The following CTNND2 variants were observed in gnomAD, a reference collection of about 807,000 sequenced individuals.
The protein encoded by CTNND2 is catenin delta 2.
A neutral mutation model predicts 144.4 loss-of-function variants in CTNND2; 22 were observed. That is an observed-to-expected ratio of 0.15 (90% confidence interval 0.11 to 0.22). The LOEUF (loss-of-function observed/expected upper bound fraction) is 0.22. Among genes scored for constraint, CTNND2 ranks in the 10% least tolerant of loss-of-function variants. The probability of loss-of-function intolerance (pLI) is 1.00; values close to 1 mark genes in which losing one functional copy is unlikely to be tolerated. For synonymous variants in CTNND2, 751 were observed against 695.6 expected (o/e 1.08, Z -1.25); for missense variants, 1,353 against 1,618.8 (o/e 0.84, Z 2.82).
chr5:11,147,791 CA>C (rs1757388391), intron 12 of CTNND2, among the ~76,000 whole-genome samples: 1 of 151,972 alleles, frequency 6.6e-6, no homozygotes, highest in Admixed American at 6.6e-5. Flanking sequence ...CTGTGAAAAG[CA>C]GTTGGCGGTT....
chr5:11,543,848 G>T (rs1472861946), intron 3 of CTNND2, among the ~76,000 whole-genome samples: 2 of 152,168 alleles, frequency 1.3e-5, no homozygotes, highest in Admixed American at 1.3e-4. Flanking sequence ...TCCTAAGTCA[G>T]CAGGATGCCC....
chr5:11,481,736 G>T (rs921014522), intron 3 of CTNND2, among the ~76,000 whole-genome samples: 2 of 152,108 alleles, frequency 1.3e-5, no homozygotes, highest in Non-Finnish European at 2.9e-5. Context: ...ACAAAGGAAG[G>T]TTGAGTATTA....
intron 3 of CTNND2, among the ~76,000 whole-genome samples, chr5:11,555,125 C>T (rs1048347346): frequency 3.3e-5 from 5 of 152,018 alleles, no homozygotes; most frequent in East Asian, 3.9e-4. Context: ...TTATTCATTC[C>T]GCACTGATTA....
At chr5:11,802,744 T>G (rs866270638) in intron 1 of CTNND2, among the ~76,000 whole-genome samples, 1 of 152,216 alleles carries the variant, frequency 6.6e-6, no homozygotes. Context: ...CAATTTCCCA[T>G]GATTATCTAT....
intron 3 of CTNND2, among the ~76,000 whole-genome samples, chr5:11,546,794 C>A (rs1251490780): frequency 2.0e-5 from 3 of 152,006 alleles, no homozygotes; most frequent in African/African-American, 2.4e-5. Flanking sequence ...GTAATTCTCC[C>A]CCAATTTCTC....
At chr5:11,724,290 T>C (rs374253134) in intron 2 of CTNND2, among the ~76,000 whole-genome samples, 24 of 152,258 alleles carry the variant, frequency 1.6e-4, no homozygotes, top group African/African-American at 5.8e-4. Context: ...AGCCGTGTTC[T>C]TGGGGGGCAT....
chr5:11,796,431 G>A (rs1791405761), intron 1 of CTNND2, among the ~76,000 whole-genome samples: 1 of 152,184 alleles, frequency 6.6e-6, no homozygotes, highest in African/African-American at 2.4e-5. Context: ...TCTTCCCATA[G>A]AGCCTTATCT....
intron 1 of CTNND2, among the ~76,000 whole-genome samples, chr5:11,818,927 G>A (rs1435850196): frequency 6.6e-6 from 1 of 152,098 alleles, no homozygotes; most frequent in Non-Finnish European, 1.5e-5. Flanking sequence ...GAGGGAAGCA[G>A]GCACCATGTG....
intron 3 of CTNND2, among the ~76,000 whole-genome samples, chr5:11,522,320 C>T (rs1772807027): frequency 6.6e-6 from 1 of 152,140 alleles, no homozygotes; most frequent in Non-Finnish European, 1.5e-5. Context: ...ACAGCCATAG[C>T]CTTGGCTTTG....
intron 2 of CTNND2, among the ~76,000 whole-genome samples, chr5:11,678,395 C>T (rs1784273081): frequency 6.6e-6 from 1 of 152,096 alleles, no homozygotes. Context: ...AGCTCTAGAC[C>T]TGCTGAGTCA....
At chr5:11,465,677 G>C (rs1336795228) in intron 3 of CTNND2, among the ~76,000 whole-genome samples, 2 of 152,196 alleles carry the variant, frequency 1.3e-5, no homozygotes, top group African/African-American at 4.8e-5. Context: ...AAAGGGCACA[G>C]ACCCTGAAAA....
At position 10,988,982 on chromosome 5, in the gene CTNND2, C is replaced by T. The variant is rs1199030197; in HGVS notation, c.3212-740G>A. Among the ~76,000 whole-genome samples, 3 of 152,182 alleles carry T rather than the reference C, an allele frequency of 2.0e-5. No individual in the cohort carries two copies. On this transcript the variant is annotated intron_variant, in intron 19 of 21. Transcript: ENST00000304623. The surrounding 1 kb of genome is among the most constrained non-coding windows in gnomAD (Gnocchi z 5.9). ...GGCTGGGAGGCTGAGCCCTGCCGTT[C>T]CTCTTACACCCATTTCTAAAGTGCT... is the stretch of plus-strand genomic sequence containing the variant.
At chr5:11,003,083 G>GT (rs113705331) in intron 18 of CTNND2, among the ~76,000 whole-genome samples, 19,908 of 152,170 alleles carry the variant, frequency 0.13, 1,333 homozygotes, top group Non-Finnish European at 0.15. Flanking sequence ...GGATTCCTCA[G>GT]TGGCCATACA....
At chr5:11,391,991 AAAT>A (rs1279449046) in intron 6 of CTNND2, among the ~76,000 whole-genome samples, 1 of 152,222 alleles carries the variant, frequency 6.6e-6, no homozygotes, top group Non-Finnish European at 1.5e-5. Context: ...ATATCCCTGG[AAAT>A]AATAACAGAA....
chr5:11,034,989 A>G (rs1743912360), intron 16 of CTNND2, among the ~76,000 whole-genome samples: 1 of 150,914 alleles, frequency 6.6e-6, no homozygotes, highest in South Asian at 2.1e-4. Context: ...GTCATCTAGC[A>G]TTAGGTATAT....
At chr5:11,711,304 G>A (rs960110079) in intron 2 of CTNND2, among the ~76,000 whole-genome samples, 2 of 152,092 alleles carry the variant, frequency 1.3e-5, no homozygotes, top group African/African-American at 2.4e-5. Context: ...TGATGCACCC[G>A]CCTTGGCCTC....
chr5:11,843,682 C>T (rs918858152), intron 1 of CTNND2, among the ~76,000 whole-genome samples: 12 of 152,064 alleles, frequency 7.9e-5, no homozygotes, highest in Admixed American at 3.9e-4. Context: ...TACAATAATG[C>T]GACTTATATT....
chr5:11,291,602 G>C (rs1242149800), intron 9 of CTNND2, among the ~76,000 whole-genome samples: 1 of 152,066 alleles, frequency 6.6e-6, no homozygotes, highest in Non-Finnish European at 1.5e-5. Flanking sequence ...TAAACTTAAA[G>C]AAAAGAAACT....
At chr5:11,693,793 ATAAAG>A (rs1785015876) in intron 2 of CTNND2, among the ~76,000 whole-genome samples, 1 of 152,230 alleles carries the variant, frequency 6.6e-6, no homozygotes, top group Non-Finnish European at 1.5e-5. Flanking sequence ...GTTTTGTTCT[ATAAAG>A]TCAATGATAA....
Sources: gnomAD v4.1 joint callset for allele counts (sites outside exome capture counted in the v4.1 genomes callset) on GRCh38, gnomAD v4.1.1 for gene constraint, Gnocchi (gnomAD v3.1) non-coding constraint, MANE v1.5 for transcripts, NCBI Gene and HGNC (gene_info 2026-07-23, HGNC 2026-07-21) for gene names.